SPOCK1: variants seen among roughly 807,000 people sequenced by gnomAD.
SPOCK1 encodes the protein testican-1.
A neutral mutation model predicts 55.3 loss-of-function variants in SPOCK1; 23 were observed. The ratio of observed to expected loss-of-function variants is 0.42; its 90% CI spans 0.30 to 0.59. The LOEUF is 0.59. Ranked by LOEUF, SPOCK1 falls within the 20% of genes least tolerant of loss-of-function variation. The pLI, the probability that SPOCK1 is intolerant of heterozygous loss-of-function variation, is 0.22. For missense variants in SPOCK1, 499 were observed against 552.5 expected, an observed-to-expected ratio of 0.90 and a Z score of 0.97; for synonymous variants, 226 against 221.0, an observed-to-expected ratio of 1.02 and a Z score of -0.20.
chr5:137,120,673 C>T (rs1753668080), intron 4 of SPOCK1, among the ~76,000 whole-genome samples: 1 of 152,222 alleles, frequency 6.6e-6, no homozygotes, highest in African/African-American at 2.4e-5. Flanking sequence ...TGAAACAGAA[C>T]TGCTGCTTTG....
intron 5 of SPOCK1, among the ~76,000 whole-genome samples, chr5:137,109,125 T>C (rs973495243): frequency 6.6e-6 from 1 of 152,210 alleles, no homozygotes; most frequent in Non-Finnish European, 1.5e-5. Context: ...ATACGCCACT[T>C]GCCCAAACAG....
rs142422413 is a variant in SPOCK1, at chr5:137,254,547, T to C, written c.232+12463A>G. 5.3e-4 allele frequency among the ~76,000 whole-genome samples: 80 copies of C among 152,358 alleles called. 1 individual carries two copies. Among genetic ancestry groups the C allele is most frequent in the African/African-American group, 1.3e-3 (52 of 41,594 alleles). On this transcript the variant is annotated intron_variant, in intron 3 of 10. Transcript: ENST00000394945. ...GTCTTTAAATAAGATGTGGATTTTA[T>C]TGAGCACATCAGCATCCATACGCGT...
chr5:137,305,536 TG>T (rs1561499302), intron 2 of SPOCK1, among the ~76,000 whole-genome samples: 1 of 152,078 alleles, frequency 6.6e-6, no homozygotes, highest in East Asian at 1.9e-4. Flanking sequence ...AAGTGCTCCA[TG>T]GGATGTCAGC....
chr5:137,022,041 C>T (rs1751587330), intron 6 of SPOCK1, among the ~76,000 whole-genome samples: 1 of 152,192 alleles, frequency 6.6e-6, no homozygotes, highest in African/African-American at 2.4e-5. Context: ...GATGGCATCT[C>T]TCTGTCCCCT....
At chr5:137,300,386 TA>T (rs897620241) in intron 2 of SPOCK1, among the ~76,000 whole-genome samples, 66 of 152,328 alleles carry the variant, frequency 4.3e-4, no homozygotes, top group African/African-American at 1.5e-3. Flanking sequence ...AATTGTCTAA[TA>T]ACCATGACCT....
At position 137,078,397 on chromosome 5, in the gene SPOCK1, G is replaced by A. The variant is rs1221371940; in HGVS notation, c.475-10568C>T. Among the ~76,000 whole-genome samples the A allele has an allele frequency of 3.9e-5, 6 of 152,238 alleles. 1 individual carries two copies. In the South Asian group the frequency reaches 1.0e-3, roughly 26 times the overall value. ...CATGCTGCCTGTTCCCCACTGGCTC[G>A]GGCAGTTTACTCCACAGACAGAATT... is the stretch of plus-strand genomic sequence containing the variant. On this transcript the variant is annotated intron_variant, in intron 5 of 10. Transcript: ENST00000394945.
intron 2 of SPOCK1, chr5:137,365,377 C>A (rs1295253483): frequency 1.3e-5 from 2 of 152,220 alleles, no homozygotes; most frequent in Non-Finnish European, 2.9e-5. Context: ...CTTTCTCAAG[C>A]CTTTCTAATT....
chr5:137,074,673 T>C (rs372081711), intron 5 of SPOCK1, among the ~76,000 whole-genome samples: 60 of 147,364 alleles, frequency 4.1e-4, no homozygotes, highest in African/African-American at 1.1e-3. Flanking sequence ...CCTGCCACCA[T>C]GCCCTGCTAA....
chr5:137,152,526 T>C (rs1754337451), intron 3 of SPOCK1, among the ~76,000 whole-genome samples: 1 of 152,344 alleles, frequency 6.6e-6, no homozygotes, highest in South Asian at 2.1e-4. Context: ...TCTTTTTTTG[T>C]TCTATAGCAA....
chr5:137,466,110 GCAAA>G (rs749958495), intron 2 of SPOCK1, among the ~76,000 whole-genome samples: 4 of 152,202 alleles, frequency 2.6e-5, no homozygotes, highest in Non-Finnish European at 5.9e-5. Context: ...GGTTAAATGT[GCAAA>G]CAATTACTCG....
intron 6 of SPOCK1, among the ~76,000 whole-genome samples, chr5:136,996,785 A>G (rs1561574699): frequency 6.6e-6 from 1 of 152,176 alleles, no homozygotes; most frequent in Non-Finnish European, 1.5e-5. Context: ...GGAGGATTGA[A>G]AAAAGGACAC....
intron 3 of SPOCK1, among the ~76,000 whole-genome samples, chr5:137,181,596 C>A (rs1296172144): frequency 1.3e-5 from 2 of 152,192 alleles, no homozygotes; most frequent in East Asian, 3.9e-4. Flanking sequence ...TGCAGCTTGC[C>A]ATCAGCTCTG....
chr5:137,168,161 C>T (rs985498053), intron 3 of SPOCK1, among the ~76,000 whole-genome samples: 1 of 151,942 alleles, frequency 6.6e-6, no homozygotes, highest in Non-Finnish European at 1.5e-5. Context: ...AACTGGATAT[C>T]CATATGCAGA....
At chr5:137,090,949 C>G (rs1176745488) in intron 5 of SPOCK1, among the ~76,000 whole-genome samples, 1 of 152,054 alleles carries the variant, frequency 6.6e-6, no homozygotes, top group East Asian at 1.9e-4. Context: ...CATCTCTTTA[C>G]ATACTAATTC....
intron 6 of SPOCK1, among the ~76,000 whole-genome samples, chr5:137,036,517 G>A (rs1211972512): frequency 6.6e-6 from 1 of 152,188 alleles, no homozygotes; most frequent in African/African-American, 2.4e-5. Flanking sequence ...AGGAAGCTGA[G>A]GGCAGGGATG....
intron 8 of SPOCK1, among the ~76,000 whole-genome samples, chr5:136,987,670 T>C (rs1302353212): frequency 3.9e-5 from 6 of 152,066 alleles, no homozygotes; most frequent in Admixed American, 1.3e-4. Flanking sequence ...TTAAATACTT[T>C]CATATTAGCA....
At chr5:137,253,644 C>T (rs1756580428) in intron 3 of SPOCK1, among the ~76,000 whole-genome samples, 1 of 152,194 alleles carries the variant, frequency 6.6e-6, no homozygotes, top group African/African-American at 2.4e-5. Flanking sequence ...TGTACACATC[C>T]CAGGAGCGGT....
chr5:137,002,414 A>G (rs1751169731), intron 6 of SPOCK1, among the ~76,000 whole-genome samples: 1 of 152,050 alleles, frequency 6.6e-6, no homozygotes, highest in Non-Finnish European at 1.5e-5. Context: ...AGATCAGGGA[A>G]GTTAGCTAGA....
chr5:137,363,000 G>A (rs1374154782), intron 2 of SPOCK1, among the ~76,000 whole-genome samples: 1 of 152,194 alleles, frequency 6.6e-6, no homozygotes, highest in Non-Finnish European at 1.5e-5. Flanking sequence ...CTCCAAAGGG[G>A]ACACACTTTT....
Sources: allele counts gnomAD v4.1 joint callset (sites outside exome capture counted in the v4.1 genomes callset), GRCh38; gene constraint gnomAD v4.1.1; transcripts MANE v1.5; gene names NCBI Gene and HGNC (gene_info 2026-07-23, HGNC 2026-07-21).